TCF7L2: variants seen among roughly 807,000 people sequenced by gnomAD.
The protein encoded by TCF7L2 is transcription factor 7-like 2.
Under a neutral mutation model 77.9 loss-of-function variants are expected in TCF7L2, and 23 were observed. The observed-to-expected ratio is 0.30, with a 90% CI of 0.21 to 0.42. The LOEUF (loss-of-function observed/expected upper bound fraction) is 0.42, where lower values mean the gene tolerates loss of function less well. Among genes scored for constraint, TCF7L2 ranks in the 10% least tolerant of loss-of-function variants. The pLI, the probability that TCF7L2 is intolerant of heterozygous loss-of-function variation, is 1.00. For synonymous variants in TCF7L2, 413 were observed against 340.2 expected (o/e 1.21, Z -2.36); for missense variants, 654 against 793.1 (o/e 0.82, Z 2.11).
chr10:112,979,816 A>G (rs1323496655), intron 4 of TCF7L2, among the ~76,000 whole-genome samples: 1 of 152,160 alleles, frequency 6.6e-6, no homozygotes, highest in South Asian at 2.1e-4. Context: ...TTTCAACACT[A>G]TGAATTCTGA....
chr10:113,015,387 G>T (rs1227719938), intron 4 of TCF7L2, among the ~76,000 whole-genome samples: 1 of 151,714 alleles, frequency 6.6e-6, no homozygotes, highest in African/African-American at 2.4e-5. Context: ...TGAGGCCCTG[G>T]CAGCTCCCTG....
intron 4 of TCF7L2, among the ~76,000 whole-genome samples, chr10:113,013,991 G>T (rs915326418): frequency 2.0e-5 from 3 of 152,154 alleles, no homozygotes; most frequent in Non-Finnish European, 2.9e-5. Flanking sequence ...AAATTTTTAT[G>T]TTGGGGGGTA....
At chr10:113,038,513 C>T (rs573682095) in intron 4 of TCF7L2, among the ~76,000 whole-genome samples, 2 of 152,266 alleles carry the variant, frequency 1.3e-5, no homozygotes, top group South Asian at 4.2e-4. Flanking sequence ...GCCAAGCAGT[C>T]GTATCTTCGA....
chr10:113,005,406 C>T (rs1036361198), intron 4 of TCF7L2, among the ~76,000 whole-genome samples: 2 of 152,178 alleles, frequency 1.3e-5, no homozygotes, highest in Non-Finnish European at 2.9e-5. Context: ...AATTTTCTCA[C>T]TGTAGGCAGG....
At chr10:113,012,989 G>T (rs1028252729) in intron 4 of TCF7L2, among the ~76,000 whole-genome samples, 1 of 152,066 alleles carries the variant, frequency 6.6e-6, no homozygotes, top group Non-Finnish European at 1.5e-5. Flanking sequence ...GTGCAGTCCG[G>T]CCCAGTATTC....
chr10:112,988,694 G>A (rs2042004158), intron 4 of TCF7L2, among the ~76,000 whole-genome samples: 2 of 152,224 alleles, frequency 1.3e-5, no homozygotes, highest in African/African-American at 2.4e-5. Context: ...TGCATGTTAA[G>A]AGAGGGGAAA....
intron 4 of TCF7L2, among the ~76,000 whole-genome samples, chr10:113,032,645 A>G (rs1459552640): frequency 6.6e-6 from 1 of 152,212 alleles, no homozygotes; most frequent in East Asian, 1.9e-4. Flanking sequence ...GGGATTTGTA[A>G]GGTAAGTCAG....
chr10:112,951,326 CCGCCCCGCGCGCCCCGGCCCCG>C, intron 2 of TCF7L2, 53 bp downstream of exon 2: 1 of 992,718 alleles, frequency 1.0e-6, no homozygotes, highest in Non-Finnish European at 1.2e-6. Flanking sequence ...CCCGGGCCGG[CCGCCCCGCGCGCCCCGGCCCCG>C]CGCCCGGCTC....
At chr10:113,076,963 C>A (rs1452088061) in intron 5 of TCF7L2, among the ~76,000 whole-genome samples, 1 of 152,104 alleles carries the variant, frequency 6.6e-6, no homozygotes, top group Non-Finnish European at 1.5e-5. Flanking sequence ...TTCAGTAATC[C>A]ACCTGCCATT....
chr10:113,146,445 C>T (rs1342147167), intron 8 of TCF7L2, among the ~76,000 whole-genome samples: 1 of 152,084 alleles, frequency 6.6e-6, no homozygotes, highest in African/African-American at 2.4e-5. Context: ...TATTATTATA[C>T]CAAGAAGAGT....
rs1442566389 is a variant in TCF7L2, at chr10:113,165,912, C to T, written c.1749C>T (p.His583=). The change falls in exon 14 of 14, where the codon CAC becomes CAT. Residue 583 remains histidine, a synonymous_variant. Transcript: ENST00000627217. ...CGTCGACTTCTTCCTTACATTCCCA[C>T]AGCTCCCTGGCCGGGACCCAGCCCC... 4 of 1,587,590 alleles carry T rather than the reference C, an allele frequency of 2.5e-6. No individual in the cohort carries two copies. In the African/African-American group the frequency reaches 4.1e-5, roughly 16 times the overall value.
At chr10:112,990,053 A>G (rs182062287) in intron 4 of TCF7L2, among the ~76,000 whole-genome samples, 7 of 152,282 alleles carry the variant, frequency 4.6e-5, no homozygotes, top group Admixed American at 4.6e-4. Context: ...CGTTGCAGAA[A>G]TGATTATTCC....
At chr10:113,104,354 A>G (rs1452415866) in intron 5 of TCF7L2, among the ~76,000 whole-genome samples, 1 of 152,028 alleles carries the variant, frequency 6.6e-6, no homozygotes, top group African/African-American at 2.4e-5. Context: ...TTGGCAAGCA[A>G]TTTTTTGATG....
At chr10:113,039,663 C>A (rs542940266) in intron 4 of TCF7L2, among the ~76,000 whole-genome samples, 1 of 152,226 alleles carries the variant, frequency 6.6e-6, no homozygotes, top group African/African-American at 2.4e-5. Context: ...TTACTTTCTT[C>A]CTTTGGAATA....
chr10:113,121,695 TGGG>T (rs1034399179), intron 5 of TCF7L2, among the ~76,000 whole-genome samples: 1 of 151,768 alleles, frequency 6.6e-6, no homozygotes, highest in Non-Finnish European at 1.5e-5. Context: ...ATATATATTG[TGGG>T]GGGAAATGCA....
chr10:113,082,131 A>AT (rs10583826), intron 5 of TCF7L2, among the ~76,000 whole-genome samples: 27,637 of 135,412 alleles, frequency 0.2, 2,995 homozygotes, highest in Admixed American at 0.3. Flanking sequence ...AGCCACTACC[A>AT]TTTTTTTTTT....
At chr10:113,053,725 T>C (rs915446882) in intron 5 of TCF7L2, among the ~76,000 whole-genome samples, 1 of 152,226 alleles carries the variant, frequency 6.6e-6, no homozygotes, top group African/African-American at 2.4e-5. Flanking sequence ...ATCATGGTAA[T>C]ACTGGATGTT....
At chr10:113,028,786 G>GAA (rs2049681442) in intron 4 of TCF7L2, among the ~76,000 whole-genome samples, 1 of 152,216 alleles carries the variant, frequency 6.6e-6, no homozygotes, top group Admixed American at 6.5e-5. Context: ...CAGCCATGGA[G>GAA]AAAGAAAGGG....
chr10:113,104,216 G>A (rs1297246024), intron 5 of TCF7L2, among the ~76,000 whole-genome samples: 2 of 152,190 alleles, frequency 1.3e-5, no homozygotes, highest in African/African-American at 4.8e-5. Context: ...TGTTAAAGGA[G>A]GAACATCACG....
Sources: gnomAD v4.1 joint callset for allele counts (sites outside exome capture counted in the v4.1 genomes callset) on GRCh38, gnomAD v4.1.1 for gene constraint, MANE v1.5 for transcripts, NCBI Gene and HGNC (gene_info 2026-07-23, HGNC 2026-07-21) for gene names.